Variants in DPP10 observed in about 807,000 individuals in gnomAD.
DPP10 encodes dipeptidyl peptidase like 10.
In DPP10, 33 loss-of-function variants were observed where a neutral mutation model predicts 120.9. The ratio of observed to expected loss-of-function variants is 0.27; its 90% CI spans 0.21 to 0.37. The LOEUF is 0.37. Among genes scored for constraint, DPP10 ranks in the 10% least tolerant of loss-of-function variants. The pLI is 1.00. For missense variants in DPP10, 816 were observed against 942.8 expected (o/e 0.87, Z 1.76); for synonymous variants, 337 against 326.1 (o/e 1.03, Z -0.36).
intron 1 of DPP10, among the ~76,000 whole-genome samples, chr2:115,119,448 G>C (rs2049709248): frequency 6.6e-6 from 1 of 152,134 alleles, no homozygotes; most frequent in Non-Finnish European, 1.5e-5. Flanking sequence ...ATGGTCACCT[G>C]ACATTCCAGA....
chr2:115,079,521 G>A (rs1199389766), intron 1 of DPP10, among the ~76,000 whole-genome samples: 1 of 152,184 alleles, frequency 6.6e-6, no homozygotes, highest in Non-Finnish European at 1.5e-5. Flanking sequence ...TGGATTTGGG[G>A]TGGCATCACT....
chr2:115,500,209 A>T (rs1462791973), intron 4 of DPP10, among the ~76,000 whole-genome samples: 1 of 152,140 alleles, frequency 6.6e-6, no homozygotes, highest in Non-Finnish European at 1.5e-5. Context: ...AGACTTAGCT[A>T]TAATTACCTA....
At chr2:115,355,965 A>G (rs2064355985) in intron 3 of DPP10, among the ~76,000 whole-genome samples, 1 of 152,100 alleles carries the variant, frequency 6.6e-6, no homozygotes, top group South Asian at 2.1e-4. Flanking sequence ...GTAGCCATGT[A>G]GTGTAGTTTG....
chr2:115,006,374 C>A (rs1308958354), intron 1 of DPP10, among the ~76,000 whole-genome samples: 1 of 151,728 alleles, frequency 6.6e-6, no homozygotes, highest in Non-Finnish European at 1.5e-5. Flanking sequence ...ACACTATTAA[C>A]TTTAAATGTA....
chr2:115,547,455 C>T (rs1172522945), intron 5 of DPP10, among the ~76,000 whole-genome samples: 2 of 152,156 alleles, frequency 1.3e-5, no homozygotes, highest in Non-Finnish European at 2.9e-5. Flanking sequence ...TGTTTCATAG[C>T]TCCATATCAG....
intron 5 of DPP10, among the ~76,000 whole-genome samples, chr2:115,644,013 A>C (rs1281276025): frequency 1.3e-5 from 2 of 152,176 alleles, no homozygotes; most frequent in African/African-American, 4.8e-5. Context: ...CTGACTGGCC[A>C]ATCAGGTCAG....
intron 1 of DPP10, among the ~76,000 whole-genome samples, chr2:115,138,939 A>G (rs1362207859): frequency 2.0e-5 from 3 of 152,306 alleles, no homozygotes; most frequent in Admixed American, 6.5e-5. Context: ...TGTCTTTAAA[A>G]TTGTCAATAA....
rs183326818 is a variant in DPP10 at position 115,536,867 on chromosome 2, A to G, written c.441+10895A>G. ...ATTTTAAAAAAAATAAACACCTTCA[A>G]TATCAAATAATTGCCTTCATTACTC... On this transcript the variant is annotated intron_variant, in intron 5 of 25. Coordinates refer to ENST00000410059, the MANE Select transcript of DPP10 (RefSeq NM_020868.6). Among the ~76,000 whole-genome samples the G allele has an allele frequency of 1.1e-4, 17 of 152,132 alleles. No individual in the cohort carries two copies. The East Asian group carries it at 2.7e-3, about 24-fold the overall frequency.
intron 1 of DPP10, among the ~76,000 whole-genome samples, chr2:115,158,674 A>T (rs148707261): frequency 2.8e-4 from 42 of 152,326 alleles, no homozygotes; most frequent in African/African-American, 9.4e-4. Flanking sequence ...ATTTCTTCCC[A>T]TGAAAAGTGT....
intron 1 of DPP10, among the ~76,000 whole-genome samples, chr2:115,222,926 C>T (rs2057249610): frequency 6.6e-6 from 1 of 151,670 alleles, no homozygotes; most frequent in African/African-American, 2.4e-5. Flanking sequence ...GAGTAGCATA[C>T]CGAAAGAACA....
chr2:114,651,069 G>A (rs1696547435), intron 1 of DPP10, among the ~76,000 whole-genome samples: 1 of 152,116 alleles, frequency 6.6e-6, no homozygotes, highest in African/African-American at 2.4e-5. Context: ...CTCCTAGTAA[G>A]CCAGGCTAGT....
At chr2:115,546,998 C>G (rs1412956349) in intron 5 of DPP10, among the ~76,000 whole-genome samples, 2 of 152,138 alleles carry the variant, frequency 1.3e-5, no homozygotes, top group African/African-American at 4.8e-5. Flanking sequence ...GATATGGAAT[C>G]CTTAGAAGCT....
At chr2:115,661,378 C>G (rs1419368989) in intron 5 of DPP10, among the ~76,000 whole-genome samples, 1 of 152,178 alleles carries the variant, frequency 6.6e-6, no homozygotes, top group Non-Finnish European at 1.5e-5. Context: ...ACAGGCCGGT[C>G]ACCTAGACTA....
At chr2:115,200,382 C>T (rs1051203578) in intron 1 of DPP10, among the ~76,000 whole-genome samples, 2 of 152,058 alleles carry the variant, frequency 1.3e-5, no homozygotes, top group Non-Finnish European at 2.9e-5. Context: ...ATTAAACATT[C>T]AGCTAATTTT....
chr2:114,738,626 C>T (rs1677702914), intron 1 of DPP10, among the ~76,000 whole-genome samples: 1 of 152,122 alleles, frequency 6.6e-6, no homozygotes, highest in Non-Finnish European at 1.5e-5. Context: ...ACTTTGGGTG[C>T]ATTCATTGTT....
At chr2:114,891,626 T>C (rs999769044) in intron 1 of DPP10, among the ~76,000 whole-genome samples, 1 of 152,210 alleles carries the variant, frequency 6.6e-6, no homozygotes, top group Non-Finnish European at 1.5e-5. Flanking sequence ...TTAAAGCCAT[T>C]GCCACCAGCA....
chr2:114,998,356 G>A (rs1397638736), intron 1 of DPP10, among the ~76,000 whole-genome samples: 1 of 152,050 alleles, frequency 6.6e-6, no homozygotes, highest in Non-Finnish European at 1.5e-5. Flanking sequence ...TTGACATATT[G>A]CTTCAAACTC....
intron 1 of DPP10, among the ~76,000 whole-genome samples, chr2:115,077,067 G>A (rs4848375): frequency 0.28 from 42,435 of 151,818 alleles, 6,374 homozygotes; most frequent in South Asian, 0.37. Context: ...AAATTTTTGG[G>A]GCCACCTCTA....
At chr2:114,793,157 T>C (rs564886806) in intron 1 of DPP10, among the ~76,000 whole-genome samples, 3 of 152,276 alleles carry the variant, frequency 2.0e-5, no homozygotes, top group South Asian at 2.1e-4. Flanking sequence ...TTTGATTTTT[T>C]AAAATTATAC....
Sources: allele counts gnomAD v4.1 joint callset (sites outside exome capture counted in the v4.1 genomes callset), GRCh38; gene constraint gnomAD v4.1.1; transcripts MANE v1.5; gene names NCBI Gene and HGNC (gene_info 2026-07-23, HGNC 2026-07-21).